Variants in POLA2 observed in about 807,000 individuals in gnomAD.
POLA2 encodes DNA polymerase alpha subunit B.
Under a neutral mutation model 82.8 loss-of-function variants are expected in POLA2, and 47 were observed. The ratio of observed to expected loss-of-function variants is 0.57; its 90% CI spans 0.45 to 0.72. The LOEUF (loss-of-function observed/expected upper bound fraction) is 0.72, where lower values mean the gene tolerates loss of function less well. Ranked by LOEUF, POLA2 falls within the 30% of genes least tolerant of loss-of-function variation. The pLI, the probability that POLA2 is intolerant of heterozygous loss-of-function variation, is 0.00. For synonymous variants in POLA2, 287 were observed against 286.8 expected, an observed-to-expected ratio of 1.00 and a Z score of -0.01; for missense variants, 634 against 728.1, an observed-to-expected ratio of 0.87 and a Z score of 1.49.
intron 10 of POLA2, among the ~76,000 whole-genome samples, chr11:65,283,056 A>G (rs1949657942): frequency 6.6e-6 from 1 of 152,210 alleles, no homozygotes; most frequent in South Asian, 2.1e-4. Context: ...GCCTAAGCCC[A>G]GGAGTTCAAG....
chr11:65,279,480 C>T (rs1949616853), intron 6 of POLA2, 58 bp from the exon 7 acceptor site: 2 of 1,134,074 alleles, frequency 1.8e-6, no homozygotes, highest in Admixed American at 2.0e-5. Context: ...TGTATTTTCT[C>T]TTCTTGGCAA....
chr11:65,289,455 T>C (rs1949731576), intron 12 of POLA2, among the ~76,000 whole-genome samples: 1 of 152,246 alleles, frequency 6.6e-6, no homozygotes, highest in Non-Finnish European at 1.5e-5. Context: ...CTTGCTGTCC[T>C]TTGCATAAAA....
At chr11:65,295,645 G>A in intron 16 of POLA2, 46 bp downstream of exon 16, 3 of 1,530,206 alleles carry the variant, frequency 2.0e-6, no homozygotes, top group Admixed American at 1.7e-5. Flanking sequence ...AGTGCCTTGG[G>A]GTCATGGAGC....
intron 5 of POLA2, among the ~76,000 whole-genome samples, chr11:65,276,884 C>T (rs1309235554): frequency 2.0e-5 from 3 of 151,478 alleles, no homozygotes; most frequent in African/African-American, 4.9e-5. Flanking sequence ...CTCTGCCTCC[C>T]GGTTCAAGCG....
rs561976468 is a variant in POLA2 at position 65,295,049 on chromosome 11, C to T, written c.1460+397C>T. On this transcript the variant is annotated intron_variant, in intron 15 of 17. Transcript: ENST00000265465. ...TTCTCTGAAGGATTTTCTTCACTAC[C>T]AGTACAACATCCAGCTCTGCAGAGA... Among the ~76,000 whole-genome samples, 9 of 152,282 alleles carry T rather than the reference C, an allele frequency of 5.9e-5. No individual in the cohort carries two copies. The South Asian group carries it at 1.0e-3, about 18-fold the overall frequency.
At chr11:65,279,496 A>G in intron 6 of POLA2, 42 bp from the exon 7 acceptor site, 2 of 1,293,460 alleles carry the variant, frequency 1.5e-6, no homozygotes, top group Middle Eastern at 3.8e-4. Flanking sequence ...GGCAAGTGAA[A>G]TGTCTTAAAC....
intron 1 of POLA2, among the ~76,000 whole-genome samples, chr11:65,262,658 G>A (rs1176183098): frequency 6.6e-6 from 1 of 152,200 alleles, no homozygotes; most frequent in Non-Finnish European, 1.5e-5. Context: ...GTGCTAGATA[G>A]AGACTAGGCA....
intron 4 of POLA2, among the ~76,000 whole-genome samples, chr11:65,274,045 G>A (rs1005632799): frequency 6.6e-6 from 1 of 152,126 alleles, no homozygotes; most frequent in Non-Finnish European, 1.5e-5. Flanking sequence ...GTAAATCATT[G>A]TAGGTCAGTT....
chr11:65,301,878 C>CCTA (rs1329820718), downstream of POLA2, among the ~76,000 whole-genome samples: 1 of 152,210 alleles, frequency 6.6e-6, no homozygotes, highest in African/African-American at 2.4e-5. Context: ...AGCGACCATG[C>CCTA]CTACTGCTGC....
intron 14 of POLA2, 122 bp downstream of exon 14, chr11:65,294,383 A>T: frequency 1.0e-6 from 1 of 1,000,848 alleles, no homozygotes; most frequent in East Asian, 2.4e-5. Context: ...CCTGAATCTT[A>T]AACTCCTTTT....
At chr11:65,265,240 G>GGT (rs894235251) in intron 1 of POLA2, among the ~76,000 whole-genome samples, 24 of 151,090 alleles carry the variant, frequency 1.6e-4, no homozygotes, top group Non-Finnish European at 2.1e-4. Context: ...AAAAAAAAAG[G>GGT]GGGGGGGCCT....
At chr11:65,288,675 T>A (rs1346911316) in intron 11 of POLA2, among the ~76,000 whole-genome samples, 2 of 152,064 alleles carry the variant, frequency 1.3e-5, no homozygotes, top group Non-Finnish European at 2.9e-5. Context: ...CACGCCACCA[T>A]GCCCAACTAA....
chr11:65,262,324 A>C lies in POLA2; in HGVS notation c.32A>C (p.Glu11Ala). The change falls in exon 1 of 18, where the codon GAG becomes GCG. Residue 11 changes from glutamate to alanine, a missense_variant. Coordinates refer to ENST00000265465, the MANE Select transcript of POLA2 (RefSeq NM_002689.4). MSASAQQLAE[E>A]LQIFGLDCEE... ...GCATCCGCCCAGCAGCTGGCGGAGG[A>C]GCTGCAGATCTTCGGCCTAGACTGC... 2 of 1,613,826 alleles carry C rather than the reference A, an allele frequency of 1.2e-6. No homozygotes were observed. The highest frequency in any genetic ancestry group is 2.2e-5 in the South Asian group (2 of 91,030).
chr11:65,289,951 T>C (rs1949737305), intron 13 of POLA2, 79 bp downstream of exon 13: 2 of 958,278 alleles, frequency 2.1e-6, no homozygotes, highest in Non-Finnish European at 3.3e-6. Context: ...CTGAAACTGC[T>C]TAAAAGTCGT....
chr11:65,300,878 G>C (rs1020325331), downstream of POLA2, among the ~76,000 whole-genome samples: 11 of 152,330 alleles, frequency 7.2e-5, no homozygotes, highest in Admixed American at 3.3e-4. Flanking sequence ...CACTGCACCC[G>C]GCCTGTCAGG....
rs925239967 is a variant in POLA2, at chr11:65,304,460, C to A, written c.657-913C>A. Among the ~76,000 whole-genome samples, 3 of 151,320 alleles carry A rather than the reference C, an allele frequency of 2.0e-5. No homozygotes were observed. In the East Asian group the frequency reaches 5.8e-4, roughly 29 times the overall value. ...CCATCCACCCACCCACCCATCCATC[C>A]ACTCATCCATATTCACTGGGTGCCT... On this transcript the variant is annotated intron_variant, in intron 8 of 8. Transcript: ENST00000525924.
chr11:65,281,544 A>G (rs1949641273), intron 8 of POLA2, 126 bp from the exon 9 acceptor site: 3 of 705,544 alleles, frequency 4.3e-6, no homozygotes, highest in Non-Finnish European at 5.0e-6. Context: ...TTTCTACAAA[A>G]ATGCCCTAAG....
chr11:65,288,337 T>C (rs1473535983), intron 11 of POLA2, among the ~76,000 whole-genome samples: 2 of 151,952 alleles, frequency 1.3e-5, no homozygotes. Context: ...CCAACTTTTT[T>C]TTTCCACCCT....
chr11:65,275,925 AC>A lies in POLA2; in HGVS notation c.394del (p.Leu132Ter). 2 of 1,606,132 alleles carry A rather than the reference AC, an allele frequency of 1.2e-6. No individual in the cohort carries two copies. The highest frequency in any genetic ancestry group is 1.7e-5 in the Admixed American group (1 of 58,830). On this transcript the variant is annotated frameshift_variant, in exon 5 of 18. Transcript: ENST00000265465. LOFTEE classifies it high-confidence loss of function. ...SQKRAISTPE[T>X]PLTKRSVSTR... ...GAAGCGAGCTATCTCTACCCCAGAA[AC>A]CCCCCTAACAAAAAGGAGTGTGTCA... is the stretch of plus-strand genomic sequence containing the variant.
Sources: allele counts gnomAD v4.1 joint callset (sites outside exome capture counted in the v4.1 genomes callset), GRCh38; gene constraint gnomAD v4.1.1; transcripts MANE v1.5; gene names NCBI Gene and HGNC (gene_info 2026-07-23, HGNC 2026-07-21).